Variants in PRH1 observed in about 807,000 individuals in gnomAD.
The protein encoded by PRH1 is salivary acidic proline-rich phosphoprotein 1/2.
Under a neutral mutation model 7.9 loss-of-function variants are expected in PRH1, and 7 were observed. The observed-to-expected ratio is 0.89, with a 90% CI of 0.50 to 1.67. PRH1 has a LOEUF of 1.67. Among genes scored for constraint, PRH1 ranks in the 40% most tolerant of loss-of-function variants. The pLI, the probability that PRH1 is intolerant of heterozygous loss-of-function variation, is 0.00. For missense variants in PRH1, 109 were observed against 223.6 expected (o/e 0.49, Z 3.27); for synonymous variants, 45 against 80.8 (o/e 0.56, Z 2.38).
intron 1 of PRH1, among the ~76,000 whole-genome samples, chr12:11,086,963 T>C (rs1019144273): frequency 8.5e-6 from 1 of 117,244 alleles, no homozygotes; most frequent in African/African-American, 2.9e-5. Context: ...CTGTCTTTGG[T>C]TAATTTTGTT....
intron 1 of PRH1, among the ~76,000 whole-genome samples, chr12:10,978,536 T>G (rs55862154): frequency 0.12 from 17,922 of 152,156 alleles, 1,184 homozygotes; most frequent in Non-Finnish European, 0.15. Context: ...ATGACAAAGA[T>G]GCCAAAAGCA....
chr12:10,956,927 G>A (rs896528067), intron 2 of PRH1, among the ~76,000 whole-genome samples: 6 of 151,948 alleles, frequency 3.9e-5, no homozygotes, highest in South Asian at 2.1e-4. Context: ...ATGGACAAAC[G>A]GGAAAACGTT....
chr12:11,089,825 C>T (rs112365716), intron 1 of PRH1, among the ~76,000 whole-genome samples: 1,448 of 82,972 alleles, frequency 0.017, 3 homozygotes, highest in Middle Eastern at 0.033. Flanking sequence ...TTTTGATGTT[C>T]TACCTTGTCT....
intron 2 of PRH1, chr12:10,965,069 C>G: frequency 8.7e-7 from 1 of 1,148,082 alleles, no homozygotes; most frequent in Non-Finnish European, 1.3e-6. Flanking sequence ...AACCCAGATG[C>G]TGAAATGGTT....
chr12:11,123,955 T>C (rs542959168), intron 1 of PRH1, among the ~76,000 whole-genome samples: 1 of 152,320 alleles, frequency 6.6e-6, no homozygotes, highest in Admixed American at 6.5e-5. Flanking sequence ...GTGTTTTTGA[T>C]TTTGGGGTTT....
intron 1 of PRH1, among the ~76,000 whole-genome samples, chr12:11,082,674 C>T (rs1944534299): frequency 8.7e-6 from 1 of 114,858 alleles, no homozygotes; most frequent in Middle Eastern, 3.8e-3. Flanking sequence ...TCAAGAATAA[C>T]ATAAAACCAA....
intron 2 of PRH1, among the ~76,000 whole-genome samples, chr12:10,963,969 G>A (rs961550455): frequency 1.4e-5 from 2 of 147,310 alleles, no homozygotes; most frequent in African/African-American, 2.5e-5. Context: ...AAAACTAGAC[G>A]TTCAAATAAT....
chr12:11,031,905 A>G (rs35241999), intron 1 of PRH1, among the ~76,000 whole-genome samples: 2,831 of 152,214 alleles, frequency 0.019, 36 homozygotes, highest in Middle Eastern at 0.075. Context: ...GAATATCCTG[A>G]CCTTAAATTC....
At chr12:11,058,087 T>G (rs1475406164) in intron 1 of PRH1, among the ~76,000 whole-genome samples, 1 of 152,074 alleles carries the variant, frequency 6.6e-6, no homozygotes, top group African/African-American at 2.4e-5. Flanking sequence ...AATACCAAAA[T>G]TAGCCAGGCA....
At chr12:10,927,794 C>G (rs1238988005) in intron 2 of PRH1, among the ~76,000 whole-genome samples, 1 of 152,072 alleles carries the variant, frequency 6.6e-6, no homozygotes, top group Non-Finnish European at 1.5e-5. Context: ...TAGCCGTGCA[C>G]AAAAAGTGAA....
intron 2 of PRH1, among the ~76,000 whole-genome samples, chr12:10,917,067 C>G (rs939524136): frequency 6.6e-6 from 1 of 151,856 alleles, no homozygotes; most frequent in African/African-American, 2.4e-5. Context: ...CAGTGAGACT[C>G]ATATATATGT....
chr12:11,043,166 C>T (rs1405281307), intron 1 of PRH1, among the ~76,000 whole-genome samples: 1 of 152,096 alleles, frequency 6.6e-6, no homozygotes, highest in Non-Finnish European at 1.5e-5. Flanking sequence ...CAATGTAATA[C>T]ATCATATCAA....
At chr12:11,000,342 TATC>T (rs747283467) in intron 1 of PRH1, among the ~76,000 whole-genome samples, 48 of 152,288 alleles carry the variant, frequency 3.2e-4, no homozygotes, top group South Asian at 1.2e-3. Flanking sequence ...ATCTGAAAAA[TATC>T]ATTTGGATTT....
intron 1 of PRH1, among the ~76,000 whole-genome samples, chr12:10,975,367 C>G (rs960516403): frequency 6.6e-6 from 1 of 152,144 alleles, no homozygotes; most frequent in Admixed American, 6.6e-5. Context: ...TTCAGACAAG[C>G]AAATGCTAAG....
At chr12:10,987,296 A>G (rs1387700178) in intron 1 of PRH1, among the ~76,000 whole-genome samples, 2 of 152,164 alleles carry the variant, frequency 1.3e-5, no homozygotes, top group Non-Finnish European at 2.9e-5. Flanking sequence ...CCCCGAGTCC[A>G]TCGTTCATAC....
At chr12:11,116,361 C>G (rs922020881), downstream of PRH1, among the ~76,000 whole-genome samples, 2 of 151,670 alleles carry the variant, frequency 1.3e-5, no homozygotes, top group African/African-American at 4.8e-5. Flanking sequence ...CTGATAAGAC[C>G]AAAAACAGGT....
intron 2 of PRH1, among the ~76,000 whole-genome samples, chr12:10,954,463 C>CTTTTTGTTTGTTTGTTTGT (rs367855415): frequency 0.02 from 2,982 of 152,026 alleles, 34 homozygotes; most frequent in African/African-American, 0.031. Context: ...ATTCTAACTT[C>CTTTTTGTTTGTTTGTTTGT]TTTTTGTTTG....
In PRH1 at chr12:11,076,125, T is replaced by G. The variant is rs796830944; in HGVS notation, n.124-28937A>C. On this transcript the variant is annotated intron_variant and non_coding_transcript_variant, in intron 1 of 4. Coordinates refer to the PRH1 transcript ENST00000541977. ...TGAGGAGTTGACTTATTTTAAGTTT[T>G]ACATAACAATGTTAAAATCTCATAA... 7.4e-3 allele frequency among the ~76,000 whole-genome samples: 345 copies of G among 46,434 alleles called. 19 individuals carry two copies. The highest frequency in any genetic ancestry group is 0.014 in the Non-Finnish European group (217 of 15,416). 30.5% of individuals were successfully genotyped at this position (46,434 alleles called of 152,430 possible).
chr12:11,028,192 T>G (rs148122116), intron 1 of PRH1, among the ~76,000 whole-genome samples: 255 of 152,334 alleles, frequency 1.7e-3, no homozygotes, highest in African/African-American at 5.7e-3. Flanking sequence ...CTGGATGATG[T>G]AAGACAGAAC....
Sources: gnomAD v4.1 joint callset for allele counts (sites outside exome capture counted in the v4.1 genomes callset) on GRCh38, gnomAD v4.1.1 for gene constraint, MANE v1.5 for transcripts, NCBI Gene and HGNC (gene_info 2026-07-23, HGNC 2026-07-21) for gene names.